USP43: variants seen among roughly 807,000 people sequenced by gnomAD.
The protein encoded by USP43 is ubiquitin specific peptidase 43.
In USP43, 33 loss-of-function variants were observed where a neutral mutation model predicts 90.7. The observed-to-expected ratio is 0.36, with a 90% CI of 0.28 to 0.49. USP43 has a LOEUF of 0.49. Among genes scored for constraint, USP43 ranks in the 20% least tolerant of loss-of-function variants. The pLI is 0.98. For synonymous variants in USP43, 598 were observed against 615.8 expected (o/e 0.97, Z 0.43); for missense variants, 1,274 against 1,476.4 (o/e 0.86, Z 2.25).
chr17:9,729,160 C>T lies in USP43; in HGVS notation c.*170C>T. On this transcript the variant is annotated 3_prime_UTR_variant, in exon 15 of 15. Coordinates refer to ENST00000285199, the MANE Select transcript of USP43 (RefSeq NM_153210.5). ...TCTCCATATCTAGACTTCCAACACCCAAGGTCCATATAACCCAAGGTCGAA... is the reference window on the plus strand; with the variant it reads ...TCTCCATATCTAGACTTCCAACACCTAAGGTCCATATAACCCAAGGTCGAA... 1 of 534,302 alleles carries T rather than the reference C, an allele frequency of 1.9e-6. No individual in the cohort carries two copies. The highest frequency in any genetic ancestry group is 3.0e-6 in the Non-Finnish European group (1 of 336,494). The allele number at this position is 534,302 out of a possible 1,614,324, so 33.1% of individuals were successfully genotyped here. A position where few individuals can be genotyped will look rare whatever the true frequency, so the allele number is the denominator to read the frequency against.
intron 14 of USP43, among the ~76,000 whole-genome samples, chr17:9,715,819 CTG>C (rs1346067829): frequency 1.5e-5 from 2 of 137,260 alleles, no homozygotes; most frequent in African/African-American, 2.8e-5. Context: ...CTGTGTGTCT[CTG>C]TGTGTCTATG....
chr17:9,682,037 C>G (rs949287731), intron 6 of USP43, among the ~76,000 whole-genome samples: 3 of 152,166 alleles, frequency 2.0e-5, no homozygotes, highest in African/African-American at 7.2e-5. Context: ...GTGGACACAT[C>G]TTTTCCTTGA....
intron 12 of USP43, among the ~76,000 whole-genome samples, chr17:9,702,596 A>G (rs1332218210): frequency 2.6e-5 from 4 of 152,148 alleles, no homozygotes; most frequent in African/African-American, 9.7e-5. Flanking sequence ...GATTTTCTCA[A>G]TCGTTCATAA....
chr17:9,679,374 T>TA (rs987374861), intron 5 of USP43, among the ~76,000 whole-genome samples: 3 of 151,298 alleles, frequency 2.0e-5, no homozygotes, highest in Non-Finnish European at 4.4e-5. Flanking sequence ...GCTAATTTTT[T>TA]AAAAAAATTG....
chr17:9,647,082 GAAA>G (rs1159110788), intron 1 of USP43: 1 of 112,130 alleles, frequency 8.9e-6, no homozygotes, highest in East Asian at 2.4e-4. Context: ...AAAAAAAAAA[GAAA>G]AAAAAGAAAA....
At chr17:9,681,474 A>ATATATATATATATT (rs1914264481) in intron 6 of USP43, among the ~76,000 whole-genome samples, 1 of 18,964 alleles carries the variant, frequency 5.3e-5, no homozygotes, top group Non-Finnish European at 7.5e-5. Context: ...ATATATATAT[A>ATATATATATATATT]TATATATATA....
At chr17:9,683,107 A>G in intron 7 of USP43, 149 bp downstream of exon 7, 2 of 1,108,104 alleles carry the variant, frequency 1.8e-6, no homozygotes, top group Non-Finnish European at 1.2e-6. Flanking sequence ...AGAGGATTAG[A>G]AATATCTGCC....
Position 9,728,864 on chromosome 17 carries a change from C to T in USP43, c.3246C>T (p.Gly1082=), listed in dbSNP as rs1297478804. The change falls in exon 15 of 15, where the codon GGC becomes GGT. Residue 1082 remains glycine, a synonymous_variant. Transcript: ENST00000285199. This position sits in a 1 kb window ranked among gnomAD's most constrained non-coding sequence, Gnocchi z 6.2. ...LPRKASRAPR[G]SALGMSQRTV... Reference sequence around the variant, plus strand: ...GTAAAGCCAGCAGGGCCCCGAGAGGCAGTGCACTGGGCATGTCACAAAGGA... The same window carrying T: ...GTAAAGCCAGCAGGGCCCCGAGAGGTAGTGCACTGGGCATGTCACAAAGGA... 4 of 1,613,982 alleles carry T rather than the reference C, an allele frequency of 2.5e-6. No homozygotes were observed. The highest frequency in any genetic ancestry group is 3.4e-6 in the Non-Finnish European group (4 of 1,179,878).
intron 1 of USP43, among the ~76,000 whole-genome samples, chr17:9,655,084 GAAAAAAAAA>G (rs57985388): frequency 4.6e-4 from 17 of 37,326 alleles, no homozygotes; most frequent in Non-Finnish European, 6.0e-4. Flanking sequence ...AGAAAGAAAG[GAAAAAAAAA>G]AAAAAAAAAA....
In USP43 at chr17:9,676,746, G is replaced by T. The variant is rs749434141; in HGVS notation, c.834G>T (p.Arg278Ser). The stretch of plus-strand genomic sequence containing the variant: ...GGTGTTGCCCCTTCCTATTTTCCAG[G>T]TTCTTGAGTGTCACCTTGGTCTTCC... ...VSLPIPLRQT[R>S]FLSVTLVFPS... Residue 278 changes from arginine (R) to serine (S), a missense_variant and splice_region_variant, in exon 5 of 15, where the codon AGG becomes AGT. Physicochemically the swap from Arg to Ser is moderately radical, Grantham distance 110. This residue lies in a region of USP43 where 259 missense variants were observed against 373.7 expected (regional missense o/e 0.69). Transcript: ENST00000285199. The T allele has an allele frequency of 6.2e-7, 1 of 1,612,832 alleles. No individual in the cohort carries two copies. The highest frequency in any genetic ancestry group is 1.3e-5 in the African/African-American group (1 of 74,856).
rs977709377 is a variant in USP43 at position 9,656,543 on chromosome 17, C to T, written c.636+9C>T. The T allele has an allele frequency of 6.2e-7, 1 of 1,608,548 alleles. No homozygotes were observed. Among genetic ancestry groups the T allele is most frequent in the Non-Finnish European group, 8.5e-7 (1 of 1,177,748 alleles). Reference sequence around the variant, plus strand: ...GGCCGGTGTCGGAGAAGGTCGGTCACTCTCAAAACAACACAATGTACTGGG... The same window carrying T: ...GGCCGGTGTCGGAGAAGGTCGGTCATTCTCAAAACAACACAATGTACTGGG... On this transcript the variant is annotated intron_variant, in intron 2 of 14. Coordinates refer to ENST00000285199, the MANE Select transcript of USP43 (RefSeq NM_153210.5).
Position 9,722,344 on chromosome 17 carries a change from G to A in USP43, c.2336-5610G>A, listed in dbSNP as rs8070542. On this transcript the variant is annotated intron_variant, in intron 14 of 14. Transcript: ENST00000285199. ...TTTCCTTTTGAGTTAGTTTTAAGTGGTTTCTGGTAAACAGCCTGGTGTTGG... is the reference window on the plus strand; with the variant it reads ...TTTCCTTTTGAGTTAGTTTTAAGTGATTTCTGGTAAACAGCCTGGTGTTGG... Among the ~76,000 whole-genome samples the A allele has an allele frequency of 2.6e-3, 399 of 152,130 alleles. 4 individuals are homozygous for A. The highest frequency in any genetic ancestry group is 8.9e-3 in the African/African-American group (371 of 41,508).
At chr17:9,681,321 T>A (rs1417762709) in intron 6 of USP43, among the ~76,000 whole-genome samples, 1 of 109,756 alleles carries the variant, frequency 9.1e-6, no homozygotes, top group Non-Finnish European at 1.7e-5. Flanking sequence ...TATATATAAA[T>A]ATATATATAA....
chr17:9,653,605 A>C (rs1225535547), intron 1 of USP43, among the ~76,000 whole-genome samples: 1 of 152,088 alleles, frequency 6.6e-6, no homozygotes, highest in Non-Finnish European at 1.5e-5. Context: ...GAAAAAAAAA[A>C]AAAGTAAAGG....
intron 8 of USP43, among the ~76,000 whole-genome samples, chr17:9,688,539 C>T (rs530294947): frequency 1.6e-4 from 25 of 151,988 alleles, no homozygotes; most frequent in Non-Finnish European, 2.8e-4. Context: ...TTAGTAGACA[C>T]GGGGTTTCAC....
chr17:9,658,479 G>A lies in USP43; in HGVS notation c.636+1945G>A, dbSNP rs150466150. Reference sequence around the variant, plus strand: ...AGAGTCAGGATTCAAGCCCAGGGGGGTCTGGTTTGAAAACCTATTTTCATA... The same window carrying A: ...AGAGTCAGGATTCAAGCCCAGGGGGATCTGGTTTGAAAACCTATTTTCATA... On this transcript the variant is annotated intron_variant, in intron 2 of 14. Coordinates refer to ENST00000285199, the MANE Select transcript of USP43 (RefSeq NM_153210.5). Among the ~76,000 whole-genome samples, 70 of 152,242 alleles carry A rather than the reference G, an allele frequency of 4.6e-4. No homozygotes were observed. In the East Asian group the frequency reaches 0.013, roughly 27 times the overall value.
intron 2 of USP43, among the ~76,000 whole-genome samples, chr17:9,656,856 C>T (rs866597607): frequency 2.0e-5 from 3 of 152,084 alleles, no homozygotes; most frequent in East Asian, 1.9e-4. Context: ...CCATGAGTAC[C>T]GTTCCTTATT....
chr17:9,708,814 A>G (rs888068727), intron 12 of USP43, among the ~76,000 whole-genome samples: 8 of 152,098 alleles, frequency 5.3e-5, no homozygotes, highest in African/African-American at 1.9e-4. Flanking sequence ...TTTTTAATAG[A>G]GACGGGGTTT....
chr17:9,704,344 C>T (rs1915753435), intron 12 of USP43, among the ~76,000 whole-genome samples: 1 of 152,066 alleles, frequency 6.6e-6, no homozygotes, highest in South Asian at 2.1e-4. Context: ...GCTCTGTCAC[C>T]CAGGCTAGAG....
Sources: gnomAD v4.1 joint callset for allele counts (sites outside exome capture counted in the v4.1 genomes callset) on GRCh38, gnomAD v4.1.1 for gene constraint, gnomAD v4.1.1 regional missense constraint, Gnocchi (gnomAD v3.1) non-coding constraint, MANE v1.5 for transcripts, NCBI Gene and HGNC (gene_info 2026-07-23, HGNC 2026-07-21) for gene names.